Variants in CNTN6 observed in about 807,000 individuals in gnomAD.
CNTN6 encodes the protein contactin 6, also known as contactin-6.
A neutral mutation model predicts 122.8 loss-of-function variants in CNTN6; 137 were observed. The observed-to-expected ratio is 1.12, with a 90% CI of 0.97 to 1.29. The LOEUF (loss-of-function observed/expected upper bound fraction) is 1.29, where lower values mean the gene tolerates loss of function less well. Among genes scored for constraint, CNTN6 ranks in the 50% most tolerant of loss-of-function variants. The pLI is 0.00. For synonymous variants in CNTN6, 570 were observed against 426.0 expected, an observed-to-expected ratio of 1.34 and a Z score of -4.16; for missense variants, 1,634 against 1,223.4, an observed-to-expected ratio of 1.34 and a Z score of -5.01.
chr3:1,373,989 T>A lies in CNTN6; in HGVS notation c.2011T>A (p.Tyr671Asn). 1 of 1,613,278 alleles carries A rather than the reference T, an allele frequency of 6.2e-7. No individual in the cohort carries two copies. Among genetic ancestry groups the A allele is most frequent in the Non-Finnish European group, 8.5e-7 (1 of 1,179,456 alleles). ...TVVGLSPWVE[Y>N]EFRVVAGNSI... Reference sequence around the variant, plus strand: ...GGTTGGTTTGAGTCCTTGGGTGGAATATGAATTTCGTGTTGTTGCCGGCAA... The same window carrying A: ...GGTTGGTTTGAGTCCTTGGGTGGAAAATGAATTTCGTGTTGTTGCCGGCAA... The change falls in exon 16 of 23, where the codon TAT becomes AAT. Residue 671 changes from tyrosine to asparagine, a missense_variant. Physicochemically the swap from Tyr to Asn is moderately radical, Grantham distance 143. Coordinates refer to ENST00000446702, the MANE Select transcript of CNTN6 (RefSeq NM_001289080.2).
intron 2 of CNTN6, among the ~76,000 whole-genome samples, chr3:1,161,749 A>AATAT (rs60499031): frequency 1.4e-5 from 2 of 144,226 alleles, no homozygotes; most frequent in East Asian, 4.0e-4. Context: ...TGCCCTTAGG[A>AATAT]ATATATATAT....
intron 4 of CNTN6, among the ~76,000 whole-genome samples, chr3:1,255,425 A>AG (rs1553642700): frequency 3.5e-5 from 5 of 144,374 alleles, no homozygotes; most frequent in East Asian, 2.2e-4. Context: ...TGGAAAAAAA[A>AG]AAAGAAAGAA....
At chr3:1,396,474 G>C (rs1694998639) in intron 20 of CNTN6, among the ~76,000 whole-genome samples, 1 of 152,174 alleles carries the variant, frequency 6.6e-6, no homozygotes, top group Non-Finnish European at 1.5e-5. Flanking sequence ...TACTATCTGT[G>C]TGCCAGATCT....
At chr3:1,306,441 A>G (rs1228035823) in intron 7 of CNTN6, among the ~76,000 whole-genome samples, 3 of 152,120 alleles carry the variant, frequency 2.0e-5, no homozygotes, top group African/African-American at 7.2e-5. Flanking sequence ...ATAACATTAA[A>G]CCCACTACAC....
At chr3:1,361,162 C>A (rs1406663069) in intron 12 of CNTN6, among the ~76,000 whole-genome samples, 1 of 152,036 alleles carries the variant, frequency 6.6e-6, no homozygotes, top group Non-Finnish European at 1.5e-5. Flanking sequence ...CTCACCCGAC[C>A]CCATCCGCTG....
At chr3:1,196,936 T>C (rs1418542969) in intron 2 of CNTN6, among the ~76,000 whole-genome samples, 4 of 152,164 alleles carry the variant, frequency 2.6e-5, no homozygotes, top group Non-Finnish European at 5.9e-5. Context: ...CAGTGATCAA[T>C]AGCTGTGGGA....
intron 11 of CNTN6, among the ~76,000 whole-genome samples, chr3:1,347,526 T>G (rs567714990): frequency 9.9e-5 from 15 of 151,730 alleles, no homozygotes; most frequent in African/African-American, 3.4e-4. Context: ...CCAAGGAGAG[T>G]CTGGGGACTG....
At chr3:1,329,382 CTT>C (rs1199253721) in intron 10 of CNTN6, among the ~76,000 whole-genome samples, 3 of 151,648 alleles carry the variant, frequency 2.0e-5, no homozygotes, top group African/African-American at 7.3e-5. Flanking sequence ...TCTTCATCCT[CTT>C]TGTTGTAAAT....
chr3:1,385,712 C>CA lies in CNTN6; in HGVS notation c.2620dup (p.Ile874AsnfsTer45), dbSNP rs757741735. 22 of 1,613,932 alleles carry CA rather than the reference C, an allele frequency of 1.4e-5. No individual in the cohort carries two copies. The highest frequency in any genetic ancestry group is 1.7e-5 in the Non-Finnish European group (20 of 1,179,964). ...ACATCACGGGGCTGAAAGCTAATAC[C>CA]ATCTACTTTGCTTCCGTAAGAGCTT... On this transcript the variant is annotated frameshift_variant, in exon 20 of 23. Transcript: ENST00000446702. LOFTEE classifies it high-confidence loss of function.
chr3:1,179,436 G>A (rs1344850387), intron 2 of CNTN6, among the ~76,000 whole-genome samples: 1 of 152,134 alleles, frequency 6.6e-6, no homozygotes, highest in East Asian at 1.9e-4. Context: ...GTGGTAAGAG[G>A]AGCATTGCTG....
intron 2 of CNTN6, among the ~76,000 whole-genome samples, chr3:1,174,850 C>T (rs1051336556): frequency 2.0e-5 from 3 of 152,096 alleles, no homozygotes; most frequent in South Asian, 4.2e-4. Flanking sequence ...GTTTATAGTC[C>T]GGAAATAATT....
In CNTN6 at chr3:1,202,315, C is replaced by A. The variant is rs570900080; in HGVS notation, c.56-18372C>A. On this transcript the variant is annotated intron_variant, in intron 2 of 22. Transcript: ENST00000446702. ...CAGCACTTCGGAAGGCCGAGGCGGG[C>A]GGATCACGAGCTCAGGATATCAAGA... is the stretch of plus-strand genomic sequence containing the variant. 1.4e-4 allele frequency among the ~76,000 whole-genome samples: 21 copies of A among 151,978 alleles called. 1 individual carries two copies. The highest frequency in any genetic ancestry group is 2.2e-4 in the Non-Finnish European group (15 of 67,964).
chr3:1,178,203 C>T (rs2093487128), intron 2 of CNTN6, among the ~76,000 whole-genome samples: 1 of 151,976 alleles, frequency 6.6e-6, no homozygotes, highest in Non-Finnish European at 1.5e-5. Flanking sequence ...GCCCGGCCTC[C>T]CCTGCACTTT....
At chr3:1,195,693 C>A (rs945103662) in intron 2 of CNTN6, among the ~76,000 whole-genome samples, 1 of 152,136 alleles carries the variant, frequency 6.6e-6, no homozygotes, top group Non-Finnish European at 1.5e-5. Context: ...TTGAATGAAA[C>A]TGAGTGTCTC....
At chr3:1,381,609 C>T (rs940578383) in intron 17 of CNTN6, among the ~76,000 whole-genome samples, 5 of 152,138 alleles carry the variant, frequency 3.3e-5, no homozygotes, top group African/African-American at 1.2e-4. Flanking sequence ...GATCCAGCCC[C>T]GGCTTGAATA....
intron 2 of CNTN6, among the ~76,000 whole-genome samples, chr3:1,160,867 T>C (rs2093118041): frequency 6.6e-6 from 1 of 152,072 alleles, no homozygotes; most frequent in South Asian, 2.1e-4. Flanking sequence ...AAGCAAGTCG[T>C]TTAAACACAG....
intron 1 of CNTN6, among the ~76,000 whole-genome samples, chr3:1,094,707 AT>A (rs1315330255): frequency 1.3e-5 from 2 of 152,072 alleles, no homozygotes; most frequent in South Asian, 2.1e-4. Flanking sequence ...TCTAAAAAAA[AT>A]CAATTATGTT....
intron 2 of CNTN6, among the ~76,000 whole-genome samples, chr3:1,194,339 T>C (rs1221021272): frequency 6.6e-6 from 1 of 152,140 alleles, no homozygotes; most frequent in African/African-American, 2.4e-5. Flanking sequence ...ACTCCTCACT[T>C]CAGAATCTGA....
intron 13 of CNTN6, 38 bp from the exon 14 acceptor site, chr3:1,372,800 G>A: frequency 7.9e-7 from 1 of 1,260,574 alleles, no homozygotes; most frequent in Non-Finnish European, 1.1e-6. Flanking sequence ...TGTTATATGG[G>A]CTTACGTTTT....
Sources: gnomAD v4.1 joint callset for allele counts (sites outside exome capture counted in the v4.1 genomes callset) on GRCh38, gnomAD v4.1.1 for gene constraint, MANE v1.5 for transcripts, NCBI Gene and HGNC (gene_info 2026-07-23, HGNC 2026-07-21) for gene names.